ATP2B2: variants seen among roughly 807,000 people sequenced by gnomAD.
ATP2B2 encodes the protein ATPase plasma membrane Ca2+ transporting 2.
In ATP2B2, 15 loss-of-function variants were observed where a neutral mutation model predicts 120.0. The ratio of observed to expected loss-of-function variants is 0.12; its 90% confidence interval spans 0.08 to 0.19. The LOEUF (loss-of-function observed/expected upper bound fraction) is 0.19. Among genes scored for constraint, ATP2B2 ranks in the 10% least tolerant of loss-of-function variants. The pLI is 1.00. For synonymous variants in ATP2B2, 694 were observed against 700.3 expected (o/e 0.99, Z 0.14); for missense variants, 1,045 against 1,719.8 (o/e 0.61, Z 6.94).
rs1305427985 is a variant in ATP2B2, at chr3:10,325,332, A to G, written c.*3482T>C. 2.0e-5 allele frequency: 3 copies of G among 152,244 alleles called. No individual in the cohort carries two copies. The highest frequency in any genetic ancestry group is 4.8e-5 in the African/African-American group (2 of 41,468). 9.4% of individuals were successfully genotyped at this position (152,244 alleles called of 1,614,324 possible). A position where few individuals can be genotyped will look rare whatever the true frequency, so the allele number is the denominator to read the frequency against. On this transcript the variant is annotated 3_prime_UTR_variant, in exon 23 of 23. Coordinates refer to ENST00000360273, the MANE Select transcript of ATP2B2 (RefSeq NM_001001331.4). ...GTGAAGGGACTCATCCCACCACATA[A>G]TAAGACATTAGAAATTGACAATAGT...
chr3:10,405,701 T>C (rs756058491), intron 3 of ATP2B2, among the ~76,000 whole-genome samples: 2 of 152,150 alleles, frequency 1.3e-5, no homozygotes, highest in Non-Finnish European at 2.9e-5. Context: ...TCCCTGTCTG[T>C]GTAAGCTTGG....
intron 1 of ATP2B2, among the ~76,000 whole-genome samples, chr3:10,668,242 G>A (rs2070998344): frequency 6.6e-6 from 1 of 152,234 alleles, no homozygotes; most frequent in African/African-American, 2.4e-5. Flanking sequence ...TGAACTATAG[G>A]TCTCATTGTT....
chr3:10,682,548 A>G (rs1472572110), intron 1 of ATP2B2, among the ~76,000 whole-genome samples: 1 of 152,216 alleles, frequency 6.6e-6, no homozygotes, highest in Non-Finnish European at 1.5e-5. Context: ...AAATCTTTAC[A>G]AAGTGCATGG....
intron 17 of ATP2B2, 121 bp from the exon 18 acceptor site, chr3:10,345,696 G>T: frequency 1.1e-6 from 1 of 950,982 alleles, no homozygotes; most frequent in African/African-American, 1.6e-5. Flanking sequence ...GCCCAGCACA[G>T]CCAGACCACA....
intron 8 of ATP2B2, among the ~76,000 whole-genome samples, chr3:10,381,604 G>A (rs2061532638): frequency 2.0e-5 from 3 of 152,202 alleles, no homozygotes; most frequent in African/African-American, 7.2e-5. Context: ...CAGAAGCGAG[G>A]GACTTATTTG....
chr3:10,415,139 C>T (rs893934853), intron 2 of ATP2B2, among the ~76,000 whole-genome samples: 1 of 152,310 alleles, frequency 6.6e-6, no homozygotes, highest in Admixed American at 6.5e-5. Context: ...CTCTGGGTGA[C>T]CTTGGTTAAG....
At position 10,325,383 on chromosome 3, in the gene ATP2B2, G is replaced by A. The variant is rs754987322; in HGVS notation, c.*3431C>T. ...TAAAATTGTATGGCTGGTGCCAGAT[G>A]AGACACCCAAGTAAGCGAAGAGAAG... On this transcript the variant is annotated 3_prime_UTR_variant, in exon 23 of 23. Coordinates refer to ENST00000360273, the MANE Select transcript of ATP2B2 (RefSeq NM_001001331.4). The A allele has an allele frequency of 2.6e-5, 4 of 152,242 alleles. No homozygotes were observed. Among genetic ancestry groups the A allele is most frequent in the Non-Finnish European group, 5.9e-5 (4 of 68,038 alleles). 9.4% of individuals were successfully genotyped at this position (152,242 alleles called of 1,614,324 possible). A position where few individuals can be genotyped will look rare whatever the true frequency, so the allele number is the denominator to read the frequency against.
chr3:10,480,455 G>A (rs2065367512), intron 1 of ATP2B2, among the ~76,000 whole-genome samples: 1 of 152,088 alleles, frequency 6.6e-6, no homozygotes, highest in Admixed American at 6.5e-5. Flanking sequence ...ATCTGGGCAG[G>A]GACACATCCC....
intron 2 of ATP2B2, among the ~76,000 whole-genome samples, chr3:10,550,949 C>T (rs1237587308): frequency 6.8e-6 from 1 of 146,162 alleles, no homozygotes; most frequent in African/African-American, 2.4e-5. Flanking sequence ...CCTGCTGTTC[C>T]TGTGGCTGAA....
intron 2 of ATP2B2, among the ~76,000 whole-genome samples, chr3:10,444,684 T>C (rs893420812): frequency 1.3e-5 from 2 of 152,180 alleles, no homozygotes; most frequent in African/African-American, 2.4e-5. Context: ...TCACCCTTTC[T>C]GACAACCCGA....
At chr3:10,381,895 T>G (rs950450939) in intron 8 of ATP2B2, among the ~76,000 whole-genome samples, 3 of 152,180 alleles carry the variant, frequency 2.0e-5, no homozygotes, top group African/African-American at 7.2e-5. Flanking sequence ...ACACAAGCTC[T>G]GGGGAGAGAG....
At chr3:10,702,859 G>A (rs570855762) in intron 1 of ATP2B2, among the ~76,000 whole-genome samples, 66 of 152,148 alleles carry the variant, frequency 4.3e-4, no homozygotes, top group Admixed American at 1.2e-3. Flanking sequence ...AAGACCAATG[G>A]ATATTCCCTT....
chr3:10,675,759 C>G (rs1166472658), intron 1 of ATP2B2, among the ~76,000 whole-genome samples: 1 of 152,188 alleles, frequency 6.6e-6, no homozygotes, highest in African/African-American at 2.4e-5. Context: ...CTTCCTCCTC[C>G]CTGGGCAGGG....
chr3:10,591,609 C>T (rs1309873678), intron 2 of ATP2B2, among the ~76,000 whole-genome samples: 1 of 152,198 alleles, frequency 6.6e-6, no homozygotes, highest in Non-Finnish European at 1.5e-5. Flanking sequence ...TCCTTGATCT[C>T]AGCTTCTCTT....
intron 2 of ATP2B2, among the ~76,000 whole-genome samples, chr3:10,612,212 C>T (rs999711277): frequency 6.6e-6 from 1 of 152,170 alleles, no homozygotes; most frequent in Non-Finnish European, 1.5e-5. Flanking sequence ...AGGTCCCCAG[C>T]CCCTCTGGGC....
chr3:10,558,410 C>G (rs75694908), intron 2 of ATP2B2, among the ~76,000 whole-genome samples: 3,978 of 152,172 alleles, frequency 0.026, 71 homozygotes, highest in Admixed American at 0.042. Context: ...TTTTTCTGCT[C>G]GGTTGGCTAA....
intron 1 of ATP2B2, among the ~76,000 whole-genome samples, chr3:10,660,753 C>T (rs1460633799): frequency 2.0e-5 from 3 of 152,138 alleles, no homozygotes. Context: ...TTTTATGAGG[C>T]CAGCATCATC....
intron 5 of ATP2B2, among the ~76,000 whole-genome samples, chr3:10,397,106 G>A (rs2062063925): frequency 6.6e-6 from 1 of 152,244 alleles, no homozygotes. Context: ...GTTCGCTTGA[G>A]AGCTCAGGTC....
intron 2 of ATP2B2, among the ~76,000 whole-genome samples, chr3:10,597,084 C>G (rs2068786599): frequency 6.8e-6 from 1 of 147,734 alleles, no homozygotes; most frequent in African/African-American, 2.5e-5. Flanking sequence ...CACACACACA[C>G]AGGCACACAG....
Sources: gnomAD v4.1 joint callset for allele counts (sites outside exome capture counted in the v4.1 genomes callset) on GRCh38, gnomAD v4.1.1 for gene constraint, MANE v1.5 for transcripts, NCBI Gene and HGNC (gene_info 2026-07-23, HGNC 2026-07-21) for gene names.